Variants in ITGAM observed in about 807,000 individuals in gnomAD.
ITGAM encodes the protein integrin alpha-M.
ITGAM carries 79 observed loss-of-function variants against 137.5 expected under a neutral mutation model. The observed-to-expected ratio is 0.57, with a 90% confidence interval of 0.48 to 0.69. ITGAM has a LOEUF of 0.69. Among genes scored for constraint, ITGAM ranks in the 30% least tolerant of loss-of-function variants. The probability of loss-of-function intolerance (pLI) is 0.00; values close to 1 mark genes in which losing one functional copy is unlikely to be tolerated. For missense variants in ITGAM, 1,343 were observed against 1,483.5 expected, an observed-to-expected ratio of 0.91 and a Z score of 1.56; for synonymous variants, 583 against 592.3, an observed-to-expected ratio of 0.98 and a Z score of 0.23.
intron 14 of ITGAM, among the ~76,000 whole-genome samples, chr16:31,311,718 T>A (rs2080334063): frequency 6.6e-6 from 1 of 152,166 alleles, no homozygotes; most frequent in Non-Finnish European, 1.5e-5. Flanking sequence ...ATTGTGGAAG[T>A]CAGTGTGGTG....
intron 12 of ITGAM, among the ~76,000 whole-genome samples, chr16:31,287,697 T>C (rs1411235281): frequency 6.6e-6 from 1 of 152,224 alleles, no homozygotes; most frequent in Admixed American, 6.5e-5. Context: ...TGTATGGGGA[T>C]GAAACCAGTT....
chr16:31,301,781 A>G (rs996631860), intron 14 of ITGAM, among the ~76,000 whole-genome samples: 1 of 152,204 alleles, frequency 6.6e-6, no homozygotes, highest in Admixed American at 6.5e-5. Flanking sequence ...GTAGTATTCT[A>G]TAATTCACAA....
intron 14 of ITGAM, among the ~76,000 whole-genome samples, chr16:31,311,090 G>C (rs2080324787): frequency 1.3e-5 from 2 of 152,136 alleles, no homozygotes; most frequent in South Asian, 4.1e-4. Flanking sequence ...TATGTAGAAA[G>C]CTGAAACTGG....
intron 14 of ITGAM, among the ~76,000 whole-genome samples, chr16:31,299,401 T>C (rs1396906138): frequency 6.6e-6 from 1 of 151,808 alleles, no homozygotes; most frequent in Non-Finnish European, 1.5e-5. Context: ...CCTTACCTCC[T>C]GGGTTCAAGC....
chr16:31,289,685 A>T (rs977480263), intron 12 of ITGAM, among the ~76,000 whole-genome samples: 1 of 152,184 alleles, frequency 6.6e-6, no homozygotes, highest in African/African-American at 2.4e-5. Context: ...CAGCACACCA[A>T]CATGACACAT....
intron 14 of ITGAM, among the ~76,000 whole-genome samples, chr16:31,314,380 T>C (rs896085313): frequency 1.3e-5 from 2 of 152,194 alleles, no homozygotes; most frequent in Non-Finnish European, 2.9e-5. Flanking sequence ...ATTTAAGTCT[T>C]TAATCCATCT....
chr16:31,292,842 T>C (rs895567649), intron 12 of ITGAM, among the ~76,000 whole-genome samples: 1 of 152,150 alleles, frequency 6.6e-6, no homozygotes, highest in African/African-American at 2.4e-5. Flanking sequence ...GTTGCCATAC[T>C]GCTTTCCCCA....
At chr16:31,304,282 C>T (rs954637806) in intron 14 of ITGAM, among the ~76,000 whole-genome samples, 1 of 152,138 alleles carries the variant, frequency 6.6e-6, no homozygotes, top group African/African-American at 2.4e-5. Flanking sequence ...ATTGTCTATT[C>T]ATATCCTTTG....
At chr16:31,274,646 G>C (rs2079887022) in intron 8 of ITGAM, among the ~76,000 whole-genome samples, 1 of 150,096 alleles carries the variant, frequency 6.7e-6, no homozygotes, top group South Asian at 2.1e-4. Context: ...ACTGAGTCTT[G>C]CTCTATCGCT....
At chr16:31,302,870 C>T (rs191311752) in intron 14 of ITGAM, among the ~76,000 whole-genome samples, 77 of 151,768 alleles carry the variant, frequency 5.1e-4, no homozygotes, top group Admixed American at 4.3e-3. Flanking sequence ...CTTTCTCTCT[C>T]TCTCTTTCCC....
At chr16:31,270,394 G>A (rs1020159698) in intron 5 of ITGAM, among the ~76,000 whole-genome samples, 2 of 151,756 alleles carry the variant, frequency 1.3e-5, no homozygotes, top group African/African-American at 4.8e-5. Flanking sequence ...GAGCCACCTC[G>A]CCCAGCTGGG....
At chr16:31,267,166 T>C (rs931657906) in intron 5 of ITGAM, among the ~76,000 whole-genome samples, 1 of 152,162 alleles carries the variant, frequency 6.6e-6, no homozygotes. Context: ...GTGGGGGGCA[T>C]GAGCCACCAT....
chr16:31,312,873 CTTT>C (rs58746448), intron 14 of ITGAM, among the ~76,000 whole-genome samples: 11 of 137,472 alleles, frequency 8.0e-5, no homozygotes, highest in Admixed American at 1.4e-4. Context: ...AGGGAGCAGT[CTTT>C]TTTTTTTTTT....
intron 14 of ITGAM, among the ~76,000 whole-genome samples, chr16:31,314,578 C>A (rs2080370404): frequency 1.3e-5 from 2 of 152,032 alleles, no homozygotes; most frequent in South Asian, 4.1e-4. Flanking sequence ...TGTTCTGTTT[C>A]ATTTGTCTAT....
chr16:31,294,658 A>G (rs913851006), intron 12 of ITGAM, among the ~76,000 whole-genome samples: 5 of 152,124 alleles, frequency 3.3e-5, no homozygotes, highest in South Asian at 2.1e-4. Context: ...GGATTTTTGC[A>G]TTAGTGTTCA....
chr16:31,266,346 C>A (rs2079767769), intron 5 of ITGAM, among the ~76,000 whole-genome samples, 199 bp downstream of exon 5: 1 of 150,698 alleles, frequency 6.6e-6, no homozygotes, highest in South Asian at 2.1e-4. Context: ...GTGGCTCATA[C>A]CTGCAATCCC....
intron 12 of ITGAM, among the ~76,000 whole-genome samples, chr16:31,279,083 C>G (rs1205750945): frequency 6.6e-6 from 1 of 152,186 alleles, no homozygotes; most frequent in Non-Finnish European, 1.5e-5. Flanking sequence ...TTTTTTATGG[C>G]TGCATAGTAT....
intron 1 of ITGAM, among the ~76,000 whole-genome samples, chr16:31,261,355 TA>T (rs2079697421): frequency 6.6e-6 from 1 of 151,938 alleles, no homozygotes; most frequent in Admixed American, 6.6e-5. Flanking sequence ...GCTAATTTTT[TA>T]TTTTTTGTAG....
At chr16:31,289,994 T>A (rs1274015584) in intron 12 of ITGAM, among the ~76,000 whole-genome samples, 1 of 146,674 alleles carries the variant, frequency 6.8e-6, no homozygotes, top group African/African-American at 2.6e-5. Flanking sequence ...GGCAGGAGAA[T>A]CGCTTGAATC....
Sources: gnomAD v4.1 joint callset for allele counts (sites outside exome capture counted in the v4.1 genomes callset) on GRCh38, gnomAD v4.1.1 for gene constraint, MANE v1.5 for transcripts, NCBI Gene and HGNC (gene_info 2026-07-23, HGNC 2026-07-21) for gene names.